The following UTP18 variants were observed in gnomAD, a reference collection of about 807,000 sequenced individuals.
UTP18 encodes the protein U3 small nucleolar RNA-associated protein 18 homolog.
A neutral mutation model predicts 61.1 loss-of-function variants in UTP18; 36 were observed. That is an observed-to-expected ratio of 0.59 (90% CI 0.45 to 0.78). The LOEUF (loss-of-function observed/expected upper bound fraction) is 0.78, where lower values mean the gene tolerates loss of function less well. UTP18 is among the 30% of genes least tolerant of loss of function. The pLI, the probability that UTP18 is intolerant of heterozygous loss-of-function variation, is 0.00. For synonymous variants in UTP18, 282 were observed against 251.1 expected, an observed-to-expected ratio of 1.12 and a Z score of -1.16; for missense variants, 753 against 693.9, an observed-to-expected ratio of 1.09 and a Z score of -0.96.
Position 51,277,268 on chromosome 17 carries a change from C to G in UTP18, c.976C>G (p.Leu326Val). ...HSKVLYVYDM[L>V]AGKLIPVHQV... ...CAAGGTTCTTTATGTCTATGACATG[C>G]TGGCTGGAAAGTTAATTCCTGTGCA... Residue 326 changes from leucine (L) to valine (V), a missense_variant, in exon 7 of 14, where the codon CTG (leucine) becomes GTG (valine). Transcript: ENST00000225298. 1 of 1,614,108 alleles carries G rather than the reference C, an allele frequency of 6.2e-7. No homozygotes were observed. Among genetic ancestry groups the G allele is most frequent in the Non-Finnish European group, 8.5e-7 (1 of 1,179,996 alleles).
chr17:51,265,002 T>A (rs2055545715), intron 2 of UTP18, among the ~76,000 whole-genome samples: 1 of 152,142 alleles, frequency 6.6e-6, no homozygotes, highest in South Asian at 2.1e-4. Context: ...ATAAATATTC[T>A]TTATTATGTC....
chr17:51,276,153 C>T (rs751525371), intron 6 of UTP18, among the ~76,000 whole-genome samples, 162 bp downstream of exon 6: 8 of 152,278 alleles, frequency 5.3e-5, no homozygotes, highest in Admixed American at 1.3e-4. Flanking sequence ...AGTTCATTTA[C>T]TTGGAAATAC....
rs560451563 is a variant in UTP18, at chr17:51,282,118, G to A, written c.1204+1639G>A. 3.2e-4 allele frequency among the ~76,000 whole-genome samples: 48 copies of A among 152,332 alleles called. 1 individual carries two copies. Among genetic ancestry groups the A allele is most frequent in the African/African-American group, 1.2e-3 (48 of 41,578 alleles). On this transcript the variant is annotated intron_variant, in intron 9 of 13. Coordinates refer to ENST00000225298, the MANE Select transcript of UTP18 (RefSeq NM_016001.3). ...CCCTTGGGACAGCTACATAATCTTA[G>A]TATAGCTAATGCTGTGTTTGGTAGC...
At chr17:51,267,251 CTG>C (rs2055570302) in intron 3 of UTP18, among the ~76,000 whole-genome samples, 1 of 152,224 alleles carries the variant, frequency 6.6e-6, no homozygotes, top group African/African-American at 2.4e-5. Flanking sequence ...AGGTGAGCCA[CTG>C]TGCTCAGCCA....
At chr17:51,291,749 A>AG (rs1328666424) in intron 11 of UTP18, among the ~76,000 whole-genome samples, 35 of 150,794 alleles carry the variant, frequency 2.3e-4, no homozygotes, top group African/African-American at 5.9e-4. Context: ...AAAAAAAAAA[A>AG]AAAAGAAAAG....
intron 13 of UTP18, among the ~76,000 whole-genome samples, chr17:51,297,299 TTAA>T (rs1369360608): frequency 6.6e-6 from 1 of 152,202 alleles, no homozygotes; most frequent in African/African-American, 2.4e-5. Flanking sequence ...CACAAAAGAC[TTAA>T]TAACACAGAG....
At chr17:51,274,456 T>G (rs374145838) in intron 5 of UTP18, among the ~76,000 whole-genome samples, 22 of 152,288 alleles carry the variant, frequency 1.4e-4, no homozygotes, top group South Asian at 6.2e-4. Flanking sequence ...TTGTTTGTTT[T>G]TTTGAGACAG....
rs529382910 is a variant in UTP18 at position 51,263,892 on chromosome 17, T to G, written c.455+506T>G. Among the ~76,000 whole-genome samples, 14 of 152,202 alleles carry G rather than the reference T, an allele frequency of 9.2e-5. 1 individual carries two copies. The South Asian group carries it at 1.9e-3, about 20-fold the overall frequency. On this transcript the variant is annotated intron_variant, in intron 2 of 13. Transcript: ENST00000225298. The stretch of plus-strand genomic sequence containing the variant: ...GTATGCTTGATTTAACATTTTGACT[T>G]TTTCTACATAAAGTTACTTTGTAAA...
intron 11 of UTP18, among the ~76,000 whole-genome samples, chr17:51,290,381 A>T (rs1299400299): frequency 6.6e-6 from 1 of 152,080 alleles, no homozygotes; most frequent in Non-Finnish European, 1.5e-5. Flanking sequence ...GTGCCTCTGT[A>T]CTCCAGCCTG....
intron 13 of UTP18, 85 bp from the exon 14 acceptor site, chr17:51,297,697 C>T (rs1029919357): frequency 2.4e-6 from 1 of 423,776 alleles, no homozygotes; most frequent in East Asian, 8.1e-5. Context: ...GCTCTCCTGT[C>T]TCAAAAGATT....
intron 11 of UTP18, among the ~76,000 whole-genome samples, chr17:51,289,716 G>A (rs961654704): frequency 6.6e-6 from 1 of 152,238 alleles, no homozygotes; most frequent in Non-Finnish European, 1.5e-5. Flanking sequence ...TTGCTGCTAT[G>A]TGTGTACTAC....
intron 4 of UTP18, among the ~76,000 whole-genome samples, chr17:51,270,209 T>A (rs72826493): frequency 0.027 from 4,143 of 152,320 alleles, 89 homozygotes; most frequent in Non-Finnish European, 0.044. Flanking sequence ...GTTTTTCCTA[T>A]TTTGAAATGT....
chr17:51,287,310 A>T, intron 10 of UTP18, among the ~76,000 whole-genome samples: 1 of 152,222 alleles, frequency 6.6e-6, no homozygotes, highest in East Asian at 1.9e-4. Context: ...AAAGAATCTT[A>T]AGCAAATCTT....
intron 7 of UTP18, among the ~76,000 whole-genome samples, chr17:51,278,603 T>C (rs754774645): frequency 9.9e-5 from 15 of 152,172 alleles, no homozygotes; most frequent in Non-Finnish European, 1.5e-4. Context: ...ATTTCTCCTT[T>C]TTCTGTTTTC....
At chr17:51,261,164 C>G (rs1008196617) in intron 1 of UTP18, among the ~76,000 whole-genome samples, 1 of 152,260 alleles carries the variant, frequency 6.6e-6, no homozygotes, top group African/African-American at 2.4e-5. Context: ...GGCGCCGCTG[C>G]TCGGGTATCT....
intron 12 of UTP18, 64 bp downstream of exon 12, chr17:51,294,109 A>G: frequency 3.7e-6 from 5 of 1,334,466 alleles, no homozygotes; most frequent in Non-Finnish European, 5.0e-6. Context: ...GTATGAAGAG[A>G]TACTATATAT....
At chr17:51,268,950 C>T (rs775881265) in intron 4 of UTP18, 46 bp downstream of exon 4, 18 of 1,566,640 alleles carry the variant, frequency 1.1e-5, no homozygotes, top group Admixed American at 5.0e-5. Flanking sequence ...AGTCCCTGTT[C>T]CTGTTCGTTA....
rs890632208 is a variant in UTP18 at position 51,280,496 on chromosome 17, A to G, written c.1204+17A>G. The G allele has an allele frequency of 9.3e-6, 15 of 1,611,952 alleles. No homozygotes were observed. Among genetic ancestry groups the G allele is most frequent in the Non-Finnish European group, 1.3e-5 (15 of 1,178,464 alleles). The stretch of plus-strand genomic sequence containing the variant: ...CCTCTTCGGGTAAGACAACGACATG[A>G]AAGAAGCTAAGGATATTTTTACATT... On this transcript the variant is annotated intron_variant, in intron 9 of 13. Transcript: ENST00000225298.
chr17:51,289,205 T>G (rs1215455996), intron 11 of UTP18, among the ~76,000 whole-genome samples: 2 of 151,476 alleles, frequency 1.3e-5, no homozygotes, highest in African/African-American at 2.4e-5. Context: ...TTTTTGTTTT[T>G]TTTTTTTTTG....
Sources: gnomAD v4.1 joint callset for allele counts (sites outside exome capture counted in the v4.1 genomes callset) on GRCh38, gnomAD v4.1.1 for gene constraint, MANE v1.5 for transcripts, NCBI Gene and HGNC (gene_info 2026-07-23, HGNC 2026-07-21) for gene names.